The following GRID1 variants were observed in gnomAD, a reference collection of about 807,000 sequenced individuals.
GRID1 encodes glutamate receptor ionotropic, delta-1.
GRID1 carries 28 observed loss-of-function variants against 98.0 expected under a neutral mutation model. The observed-to-expected ratio is 0.29, with a 90% CI of 0.21 to 0.39. GRID1 has a LOEUF of 0.39. Among genes scored for constraint, GRID1 ranks in the 10% least tolerant of loss-of-function variants. GRID1 has a pLI of 1.00. For synonymous variants in GRID1, 553 were observed against 538.5 expected (o/e 1.03, Z -0.37); for missense variants, 1,111 against 1,340.5 (o/e 0.83, Z 2.67).
At chr10:85,646,903 G>T in intron 13 of GRID1, 2 of 405,148 alleles carry the variant, frequency 4.9e-6, no homozygotes, top group Admixed American at 3.6e-5. Flanking sequence ...TTCTCACCTC[G>T]GGTGGACAGG....
intron 8 of GRID1, among the ~76,000 whole-genome samples, chr10:85,750,743 T>C (rs1231049868): frequency 6.6e-6 from 1 of 152,142 alleles, no homozygotes; most frequent in Non-Finnish European, 1.5e-5. Flanking sequence ...GGAACTATCC[T>C]AGGGAAGGAC....
intron 4 of GRID1, among the ~76,000 whole-genome samples, chr10:86,005,430 T>C (rs913866120): frequency 6.6e-6 from 1 of 151,774 alleles, no homozygotes; most frequent in African/African-American, 2.4e-5. Flanking sequence ...TGAGCAAGGG[T>C]AAATGTTGTT....
chr10:86,206,316 G>A lies in GRID1; in HGVS notation c.520+48C>T. The A allele has an allele frequency of 1.3e-6, 2 of 1,546,046 alleles. No homozygotes were observed. The highest frequency in any genetic ancestry group is 2.3e-5 in the East Asian group (1 of 44,314). Reference sequence around the variant, plus strand: ...CCACTCTCAGGTCTCCCAGCATCTGGCCATCCCTGTCCCCAAGCAGCCCCA... The same window carrying A: ...CCACTCTCAGGTCTCCCAGCATCTGACCATCCCTGTCCCCAAGCAGCCCCA... On this transcript the variant is annotated intron_variant, in intron 3 of 15. Transcript: ENST00000327946. The surrounding 1 kb of genome is among the most constrained non-coding windows in gnomAD (Gnocchi z 4.1).
chr10:85,970,037 A>C (rs1211397001), intron 4 of GRID1, among the ~76,000 whole-genome samples: 1 of 152,030 alleles, frequency 6.6e-6, no homozygotes, highest in East Asian at 1.9e-4. Flanking sequence ...AAAAATAAAA[A>C]TAAATAGCTG....
At chr10:85,980,637 T>C (rs767509962) in intron 4 of GRID1, among the ~76,000 whole-genome samples, 3 of 152,148 alleles carry the variant, frequency 2.0e-5, no homozygotes, top group Non-Finnish European at 4.4e-5. Context: ...CGTGTTCCCA[T>C]ATGAGGCCCT....
At chr10:86,255,766 A>G (rs1438513222) in intron 2 of GRID1, among the ~76,000 whole-genome samples, 1 of 152,102 alleles carries the variant, frequency 6.6e-6, no homozygotes, top group Non-Finnish European at 1.5e-5. Flanking sequence ...GGCTGCGTGC[A>G]CTCACTTGTG....
chr10:85,747,437 T>G (rs1842007731), intron 8 of GRID1, among the ~76,000 whole-genome samples: 1 of 152,120 alleles, frequency 6.6e-6, no homozygotes, highest in Admixed American at 6.6e-5. Context: ...TTTGCAAGCT[T>G]CCATTCCCCT....
intron 13 of GRID1, among the ~76,000 whole-genome samples, chr10:85,635,526 T>C (rs563607555): frequency 1.3e-5 from 2 of 152,368 alleles, no homozygotes; most frequent in Non-Finnish European, 2.9e-5. Flanking sequence ...TCTCATTTCT[T>C]ACTCATTGAA....
At chr10:86,126,893 C>T (rs977868098) in intron 4 of GRID1, among the ~76,000 whole-genome samples, 2 of 152,214 alleles carry the variant, frequency 1.3e-5, no homozygotes, top group African/African-American at 4.8e-5. Context: ...TTCTTACAGC[C>T]CACCTGCTGT....
chr10:85,923,071 T>C (rs550189485), intron 4 of GRID1, among the ~76,000 whole-genome samples: 2 of 152,240 alleles, frequency 1.3e-5, no homozygotes, highest in African/African-American at 4.8e-5. Context: ...CACTGGGGAA[T>C]CTTGGATCCC....
chr10:86,123,427 A>T (rs1844706779), intron 4 of GRID1, among the ~76,000 whole-genome samples: 1 of 152,182 alleles, frequency 6.6e-6, no homozygotes, highest in Non-Finnish European at 1.5e-5. Context: ...CACAGTTTCA[A>T]AGGCCAGTGT....
At chr10:86,219,120 G>C (rs1846216351) in intron 2 of GRID1, among the ~76,000 whole-genome samples, 1 of 152,200 alleles carries the variant, frequency 6.6e-6, no homozygotes, top group Non-Finnish European at 1.5e-5. Flanking sequence ...GTTCAGGTGG[G>C]AGTGCATGCA....
intron 12 of GRID1, among the ~76,000 whole-genome samples, chr10:85,683,130 T>C (rs143447449): frequency 6.6e-6 from 1 of 152,278 alleles, no homozygotes; most frequent in Non-Finnish European, 1.5e-5. Flanking sequence ...AGAGCTTCCT[T>C]CTCTGTCTGT....
intron 2 of GRID1, among the ~76,000 whole-genome samples, chr10:86,249,759 T>G (rs2132047984): frequency 6.6e-6 from 1 of 152,318 alleles, no homozygotes; most frequent in Non-Finnish European, 1.5e-5. Flanking sequence ...AATCACCACC[T>G]CCATCACTGG....
At chr10:85,712,492 C>T (rs1000600976) in intron 12 of GRID1, among the ~76,000 whole-genome samples, 4 of 151,852 alleles carry the variant, frequency 2.6e-5, no homozygotes, top group Admixed American at 1.3e-4. Flanking sequence ...ATCAATGCCC[C>T]ACTTTCAACA....
rs1842594534 is a variant in GRID1, at chr10:85,602,498, G to T, written c.2805C>A (p.Ser935Arg). The change falls in exon 16 of 16, where the codon AGC becomes AGA. Residue 935 changes from serine to arginine, a missense_variant. Coordinates refer to ENST00000327946, the MANE Select transcript of GRID1 (RefSeq NM_017551.3). ...AGAGTGTCCGGCTGGTGCCATGGCT[G>T]CTCTGCTCTGGCAGAAAGGTGCTGA... ...LSVSTFLPEQ[S>R]SHGTSRTLSS... 7 of 1,614,082 alleles carry T rather than the reference G, an allele frequency of 4.3e-6. No homozygotes were observed. The highest frequency in any genetic ancestry group is 1.3e-5 in the African/African-American group (1 of 74,944).
intron 8 of GRID1, among the ~76,000 whole-genome samples, chr10:85,796,966 G>A (rs763672770): frequency 6.6e-6 from 1 of 152,058 alleles, no homozygotes; most frequent in Non-Finnish European, 1.5e-5. Context: ...ATCCAAATAA[G>A]AAAAGAAACA....
intron 4 of GRID1, among the ~76,000 whole-genome samples, chr10:86,014,188 G>T (rs1451138730): frequency 6.6e-6 from 1 of 152,216 alleles, no homozygotes; most frequent in Non-Finnish European, 1.5e-5. Context: ...TGAGGATGCT[G>T]TATGGAACTC....
intron 2 of GRID1, among the ~76,000 whole-genome samples, chr10:86,294,206 G>A (rs1010407390): frequency 2.0e-5 from 3 of 152,172 alleles, no homozygotes; most frequent in Non-Finnish European, 4.4e-5. Context: ...GAGGTATACC[G>A]GTTCTGGTGA....
Sources: gnomAD v4.1 joint callset for allele counts (sites outside exome capture counted in the v4.1 genomes callset) on GRCh38, gnomAD v4.1.1 for gene constraint, Gnocchi (gnomAD v3.1) non-coding constraint, MANE v1.5 for transcripts, NCBI Gene and HGNC (gene_info 2026-07-23, HGNC 2026-07-21) for gene names.